The following PARG variants were observed in gnomAD, a reference collection of about 807,000 sequenced individuals.
PARG encodes poly(ADP-ribose) glycohydrolase, also known as mitochondrial poly(ADP-ribose) glycohydrolase.
In PARG, 35 loss-of-function variants were observed where a neutral mutation model predicts 113.0. The observed-to-expected ratio is 0.31, with a 90% CI of 0.24 to 0.41. The LOEUF (loss-of-function observed/expected upper bound fraction) is 0.41. Among genes scored for constraint, PARG ranks in the 10% least tolerant of loss-of-function variants. The pLI is 1.00. For synonymous variants in PARG, 330 were observed against 409.9 expected, an observed-to-expected ratio of 0.81 and a Z score of 2.36; for missense variants, 797 against 1,169.4, an observed-to-expected ratio of 0.68 and a Z score of 4.64.
In PARG at chr10:49,941,540, C is replaced by G; in HGVS notation, c.186G>C (p.Ala62=). The change falls in exon 1 of 18, where the codon GCG becomes GCC. Residue 62 remains alanine (A), a synonymous_variant. Transcript: ENST00000616448. ...PSSPACVPGR[A]GQHRGSATSL... is the part of the protein sequence containing the mutation. ...AGGTGGCGCTGCCTCTGTGCTGTCC[C>G]GCCCGCCCTGGGACGCAGGCTGGCG... The G allele has an allele frequency of 1.3e-6, 2 of 1,558,814 alleles. No homozygotes were observed. The highest frequency in any genetic ancestry group is 1.7e-6 in the Non-Finnish European group (2 of 1,151,650).
At chr10:49,904,307 GAGA>G (rs1848473798) in intron 7 of PARG, among the ~76,000 whole-genome samples, 1 of 151,770 alleles carries the variant, frequency 6.6e-6, no homozygotes, top group Non-Finnish European at 1.5e-5. Context: ...AGATGGCAGA[GAGA>G]AAGAGCAAAA....
intron 4 of PARG, among the ~76,000 whole-genome samples, chr10:49,931,251 A>G (rs1435286409): frequency 6.6e-6 from 1 of 152,276 alleles, no homozygotes; most frequent in Middle Eastern, 3.4e-3. Context: ...GTTATAATAT[A>G]ATGTTAAAAC....
In PARG at chr10:49,922,607, C is replaced by A. The variant is rs1554849627; in HGVS notation, c.1518G>T (p.Trp506Cys). 1.2e-6 allele frequency: 2 copies of A among 1,603,184 alleles called. No homozygotes were observed. The highest frequency in any genetic ancestry group is 4.5e-5 in the East Asian group (2 of 44,810). The part of the protein sequence containing the change: ...KPFPTHYKDL[W>C]DNKHVKMPCS... ...AAGGCATTTTAACATGCTTGTTATCCCACAAATCTTTATAATGTGTTGGAA... is the reference window on the plus strand; with the variant it reads ...AAGGCATTTTAACATGCTTGTTATCACACAAATCTTTATAATGTGTTGGAA... Residue 506 changes from tryptophan (W) to cysteine (C), a missense_variant, in exon 5 of 18, where the codon TGG becomes TGT. By Grantham distance (215) the Trp-to-Cys change is radical (BLOSUM62 -2). Around this residue, in one of 5 missense-constraint regions of PARG, gnomAD observed 252 missense variants for 437.4 expected, o/e 0.58. Transcript: ENST00000616448.
chr10:49,896,641 A>G (rs568045816), intron 7 of PARG, among the ~76,000 whole-genome samples: 3 of 152,250 alleles, frequency 2.0e-5, no homozygotes, highest in Admixed American at 2.0e-4. Context: ...CTTATTCTGC[A>G]TTTATCACAA....
chr10:49,826,227 A>C (rs182407917), intron 16 of PARG, among the ~76,000 whole-genome samples: 83 of 152,350 alleles, frequency 5.4e-4, no homozygotes, highest in African/African-American at 2.4e-4. Flanking sequence ...AAATGTTAAG[A>C]AAGTAATCTT....
At chr10:49,873,288 A>G (rs1846786003) in intron 9 of PARG, among the ~76,000 whole-genome samples, 1 of 64,100 alleles carries the variant, frequency 1.6e-5, no homozygotes, top group Admixed American at 1.9e-4. Context: ...ACTGCTAGAA[A>G]CTATAATCAT....
chr10:49,830,522 C>T (rs782646060), intron 16 of PARG, among the ~76,000 whole-genome samples: 2 of 151,994 alleles, frequency 1.3e-5, no homozygotes, highest in African/African-American at 4.8e-5. Flanking sequence ...AATGAAGAAG[C>T]AGAAAAATGT....
At position 49,843,747 on chromosome 10, in the gene PARG, C is replaced by T. The variant is rs1399996786; in HGVS notation, c.2354-115G>A. The T allele has an allele frequency of 7.4e-6, 5 of 674,990 alleles. 1 individual carries two copies. The South Asian group carries it at 9.3e-5, about 12-fold the overall frequency. 41.8% of individuals were successfully genotyped at this position (674,990 alleles called of 1,614,324 possible). A position where few individuals can be genotyped will look rare whatever the true frequency, so the allele number is the denominator to read the frequency against. On this transcript the variant is annotated intron_variant, in intron 13 of 17. Transcript: ENST00000616448. ...GCACTGTACTGAAGGTCTCTCCAGC[C>T]AGTGCAATAAGGCAAGAAAATAAAC...
At chr10:49,920,739 G>C (rs1211723427) in intron 6 of PARG, among the ~76,000 whole-genome samples, 1 of 151,464 alleles carries the variant, frequency 6.6e-6, no homozygotes, top group Non-Finnish European at 1.5e-5. Context: ...CAGAACTTGA[G>C]ATTGTTTCCA....
intron 7 of PARG, among the ~76,000 whole-genome samples, chr10:49,895,758 T>C (rs1351804555): frequency 1.3e-5 from 2 of 152,146 alleles, no homozygotes; most frequent in African/African-American, 2.4e-5. Flanking sequence ...GCATGGTAGA[T>C]ATTCTTTTAT....
chr10:49,848,353 A>G (rs1204509424), intron 13 of PARG, among the ~76,000 whole-genome samples: 1 of 147,634 alleles, frequency 6.8e-6, no homozygotes, highest in Non-Finnish European at 1.5e-5. Context: ...GTCTCAAAAC[A>G]AACAGAAAAA....
chr10:49,881,123 G>C (rs541930149), intron 8 of PARG, among the ~76,000 whole-genome samples: 1 of 152,240 alleles, frequency 6.6e-6, no homozygotes, highest in South Asian at 2.1e-4. Flanking sequence ...GTTGATTCCA[G>C]GTCTTTGGAT....
intron 13 of PARG, among the ~76,000 whole-genome samples, chr10:49,848,645 T>C (rs1244859679): frequency 2.6e-5 from 4 of 151,376 alleles, no homozygotes; most frequent in African/African-American, 9.7e-5. Context: ...GTAGGGTTGA[T>C]TGTTCTTCCT....
In PARG at chr10:49,941,808, T is replaced by C; in HGVS notation, c.-83A>G. 1.3e-6 allele frequency: 2 copies of C among 1,534,818 alleles called. No individual in the cohort carries two copies. Among genetic ancestry groups the C allele is most frequent in the Non-Finnish European group, 1.7e-6 (2 of 1,145,316 alleles). ...AACCCTGAGAGAGATGGACTGCGCC[T>C]CCTTCTCAGCGCCTGCCTGCACCAT... On this transcript the variant is annotated 5_prime_UTR_variant, in exon 1 of 18. Coordinates refer to ENST00000616448, the MANE Select transcript of PARG (RefSeq NM_003631.5).
At chr10:49,853,658 G>T (rs1845859866) in intron 13 of PARG, among the ~76,000 whole-genome samples, 1 of 151,928 alleles carries the variant, frequency 6.6e-6, no homozygotes, top group Non-Finnish European at 1.5e-5. Flanking sequence ...CATAATCTCA[G>T]AATTCTGAAT....
At chr10:49,938,120 T>C (rs1838837061) in intron 1 of PARG, among the ~76,000 whole-genome samples, 1 of 152,226 alleles carries the variant, frequency 6.6e-6, no homozygotes, top group Non-Finnish European at 1.5e-5. Flanking sequence ...TTGAGATCTT[T>C]GTTCAGTCAC....
intron 13 of PARG, among the ~76,000 whole-genome samples, chr10:49,856,895 G>A (rs1412363589): frequency 1.3e-5 from 2 of 150,940 alleles, no homozygotes; most frequent in Non-Finnish European, 1.5e-5. Context: ...TGTAATCCCA[G>A]CTACTCGGGA....
chr10:49,918,510 T>C (rs1354147160), intron 6 of PARG, among the ~76,000 whole-genome samples: 31 of 152,262 alleles, frequency 2.0e-4, no homozygotes, highest in African/African-American at 7.2e-4. Flanking sequence ...AAGTTCTTTA[T>C]GGTTCATAAT....
intron 6 of PARG, among the ~76,000 whole-genome samples, chr10:49,921,829 GAAATAT>G (rs1480844768): frequency 3.3e-5 from 5 of 151,080 alleles, no homozygotes; most frequent in East Asian, 3.9e-4. Flanking sequence ...AGTCATAAAT[GAAATAT>G]AAATATATCA....
Sources: allele counts gnomAD v4.1 joint callset (sites outside exome capture counted in the v4.1 genomes callset), GRCh38; gene constraint gnomAD v4.1.1; regional missense constraint gnomAD v4.1.1; transcripts MANE v1.5; gene names NCBI Gene and HGNC (gene_info 2026-07-23, HGNC 2026-07-21).